Variants in SLC1A1 observed in about 807,000 individuals in gnomAD.
SLC1A1 encodes excitatory amino acid transporter 3.
Under a neutral mutation model 53.3 loss-of-function variants are expected in SLC1A1, and 43 were observed. The ratio of observed to expected loss-of-function variants is 0.81; its 90% CI spans 0.63 to 1.04. The LOEUF is 1.04. Among genes scored for constraint, SLC1A1 ranks in the 50% least tolerant of loss-of-function variants. SLC1A1 has a pLI of 0.00. For synonymous variants in SLC1A1, 307 were observed against 243.2 expected, an observed-to-expected ratio of 1.26 and a Z score of -2.44; for missense variants, 748 against 664.9, an observed-to-expected ratio of 1.12 and a Z score of -1.37.
chr9:4,576,224 G>A (rs1337633890), intron 9 of SLC1A1, 101 bp downstream of exon 9: 33 of 1,188,332 alleles, frequency 2.8e-5, no homozygotes, highest in Non-Finnish European at 4.1e-5. Context: ...TTTTGTAGCT[G>A]TCTTTGAGAA....
At chr9:4,492,459 G>A (rs1820270922) in intron 1 of SLC1A1, among the ~76,000 whole-genome samples, 1 of 148,840 alleles carries the variant, frequency 6.7e-6, no homozygotes, top group African/African-American at 2.5e-5. Context: ...TCCCGCCTGG[G>A]TGACAGAGCA....
chr9:4,541,015 G>C (rs1040910434), intron 1 of SLC1A1, among the ~76,000 whole-genome samples: 7 of 152,164 alleles, frequency 4.6e-5, no homozygotes, highest in African/African-American at 1.7e-4. Flanking sequence ...AGCTTCCCAA[G>C]CATCTGCTTG....
chr9:4,530,548 C>T (rs965688280), intron 1 of SLC1A1, among the ~76,000 whole-genome samples: 6 of 152,162 alleles, frequency 3.9e-5, no homozygotes, highest in African/African-American at 1.4e-4. Flanking sequence ...TTACCAAAAT[C>T]AACTTTTCTT....
chr9:4,572,436 T>A, intron 7 of SLC1A1, 48 bp downstream of exon 7: 1 of 1,503,080 alleles, frequency 6.7e-7, no homozygotes, highest in Non-Finnish European at 9.3e-7. Flanking sequence ...GACAATTCTG[T>A]CTCCTCAAAA....
At chr9:4,505,266 C>G (rs1256336949) in intron 1 of SLC1A1, among the ~76,000 whole-genome samples, 1 of 152,100 alleles carries the variant, frequency 6.6e-6, no homozygotes, top group East Asian at 1.9e-4. Flanking sequence ...CCAGGCTGGT[C>G]TTGAACTTCT....
intron 1 of SLC1A1, among the ~76,000 whole-genome samples, chr9:4,536,057 A>T (rs1016542667): frequency 6.6e-6 from 1 of 152,210 alleles, no homozygotes; most frequent in African/African-American, 2.4e-5. Flanking sequence ...GATGGATGAA[A>T]GACTTAAATG....
At position 4,567,760 on chromosome 9, in the gene SLC1A1, T is replaced by C; in HGVS notation, c.575T>C (p.Ile192Thr). Reference sequence around the variant, plus strand: ...TTCACAGCTGTCATGACAACTGCAATTTCCAAGGTACCATTCTTATTTCCT... The same window carrying C: ...TTCACAGCTGTCATGACAACTGCAACTTCCAAGGTACCATTCTTATTTCCT... ...ESFTAVMTTA[I>T]SKNKTKEYKI... is the part of the protein sequence containing the mutation. Residue 192 changes from isoleucine (I) to threonine (T), a missense_variant, in exon 6 of 12, where the codon ATT becomes ACT. Transcript: ENST00000262352. The C allele has an allele frequency of 6.3e-7, 1 of 1,595,106 alleles. No individual in the cohort carries two copies. Among genetic ancestry groups the C allele is most frequent in the Non-Finnish European group, 8.6e-7 (1 of 1,162,998 alleles).
intron 1 of SLC1A1, among the ~76,000 whole-genome samples, chr9:4,528,357 G>A (rs1325537776): frequency 3.9e-5 from 6 of 152,142 alleles, no homozygotes; most frequent in African/African-American, 7.2e-5. Context: ...CAGATCACGG[G>A]GTCAGGAGAT....
chr9:4,510,648 C>G (rs1188432916), intron 1 of SLC1A1, among the ~76,000 whole-genome samples: 2 of 152,182 alleles, frequency 1.3e-5, no homozygotes, highest in African/African-American at 4.8e-5. Context: ...ATACAGCTGC[C>G]AGCACAGGTC....
At chr9:4,530,397 G>C (rs1196894720) in intron 1 of SLC1A1, among the ~76,000 whole-genome samples, 1 of 152,200 alleles carries the variant, frequency 6.6e-6, no homozygotes. Context: ...TTCAGGAGCG[G>C]CTTCAAGATC....
chr9:4,566,186 C>A, intron 5 of SLC1A1, 97 bp downstream of exon 5: 1 of 1,102,182 alleles, frequency 9.1e-7, no homozygotes, highest in East Asian at 2.4e-5. Context: ...GGAATTAGCC[C>A]CGTGAAAATG....
intron 1 of SLC1A1, among the ~76,000 whole-genome samples, chr9:4,516,197 C>G (rs1462526764): frequency 6.6e-6 from 1 of 152,136 alleles, no homozygotes; most frequent in Non-Finnish European, 1.5e-5. Flanking sequence ...GCCCTTCACC[C>G]TAGGCATCCC....
chr9:4,511,198 G>A (rs908020818), intron 1 of SLC1A1, among the ~76,000 whole-genome samples: 2 of 152,186 alleles, frequency 1.3e-5, no homozygotes, highest in Admixed American at 1.3e-4. Context: ...CACAGACTAC[G>A]TAGCTTATAA....
At chr9:4,571,534 G>T (rs1820048293) in intron 6 of SLC1A1, among the ~76,000 whole-genome samples, 1 of 152,200 alleles carries the variant, frequency 6.6e-6, no homozygotes, top group Admixed American at 6.5e-5. Flanking sequence ...AAAATTAATT[G>T]GGTGTGGGGG....
rs182478550 is a variant in SLC1A1, at chr9:4,587,213, A to G, written c.*1655A>G. 1 of 152,514 alleles carries G rather than the reference A, an allele frequency of 6.6e-6. No homozygotes were observed. The highest frequency in any genetic ancestry group is 1.5e-5 in the Non-Finnish European group (1 of 68,036). The allele number at this position is 152,514 out of a possible 1,614,324, so 9.4% of individuals were successfully genotyped here. On this transcript the variant is annotated 3_prime_UTR_variant, in exon 12 of 12. Coordinates refer to ENST00000262352, the MANE Select transcript of SLC1A1 (RefSeq NM_004170.6). ...AATAATGATTCAATGTGAATTTTAA[A>G]ATGCAAATATTGCTATTGTTTATAG...
intron 2 of SLC1A1, among the ~76,000 whole-genome samples, chr9:4,545,187 A>ACGTCTC (rs1482539598): frequency 4.1e-5 from 2 of 48,996 alleles, no homozygotes; most frequent in African/African-American, 1.3e-4. Flanking sequence ...AATACATTAG[A>ACGTCTC]TGTCTCTCTC....
At chr9:4,557,341 G>C (rs1029588210) in intron 2 of SLC1A1, among the ~76,000 whole-genome samples, 15 of 152,212 alleles carry the variant, frequency 9.9e-5, no homozygotes, top group Admixed American at 9.8e-4. Flanking sequence ...AAGGCAAAGA[G>C]CTTTTCCTGA....
At chr9:4,547,911 A>G (rs895958169) in intron 2 of SLC1A1, among the ~76,000 whole-genome samples, 6 of 152,098 alleles carry the variant, frequency 3.9e-5, no homozygotes, top group African/African-American at 1.5e-4. Context: ...TACAGTATAA[A>G]GTGGGAAAAT....
chr9:4,530,142 T>A (rs984658975), intron 1 of SLC1A1, among the ~76,000 whole-genome samples: 1 of 151,766 alleles, frequency 6.6e-6, no homozygotes, highest in East Asian at 1.9e-4. Flanking sequence ...AAGGAGGAGG[T>A]TTGTGGAGGG....
Sources: gnomAD v4.1 joint callset for allele counts (sites outside exome capture counted in the v4.1 genomes callset) on GRCh38, gnomAD v4.1.1 for gene constraint, MANE v1.5 for transcripts, NCBI Gene and HGNC (gene_info 2026-07-23, HGNC 2026-07-21) for gene names.